Variants in MAPK10 observed in about 807,000 individuals in gnomAD.
The protein encoded by MAPK10 is JNK3 alpha protein kinase.
A neutral mutation model predicts 59.3 loss-of-function variants in MAPK10; 25 were observed. The observed-to-expected ratio is 0.42, with a 90% confidence interval of 0.31 to 0.59. The LOEUF (loss-of-function observed/expected upper bound fraction) is 0.59. Ranked by LOEUF, MAPK10 falls within the 20% of genes least tolerant of loss-of-function variation. The probability of loss-of-function intolerance (pLI) is 0.15; values close to 1 mark genes in which losing one functional copy is unlikely to be tolerated. For missense variants in MAPK10, 351 were observed against 568.9 expected, an observed-to-expected ratio of 0.62 and a Z score of 3.90; for synonymous variants, 190 against 200.5, an observed-to-expected ratio of 0.95 and a Z score of 0.44.
At chr4:86,497,131 T>C (rs1200897580) in intron 1 of MAPK10, among the ~76,000 whole-genome samples, 4 of 152,198 alleles carry the variant, frequency 2.6e-5, no homozygotes, top group Non-Finnish European at 1.5e-5. Context: ...GTTTACAAAG[T>C]TTAGTTATAT....
At chr4:86,110,590 T>G (rs1486568138) in intron 4 of MAPK10, among the ~76,000 whole-genome samples, 2 of 152,070 alleles carry the variant, frequency 1.3e-5, no homozygotes, top group Non-Finnish European at 2.9e-5. Flanking sequence ...TCTATGTATC[T>G]TTTTCATTTT....
At chr4:86,172,422 T>C (rs1026898237) in intron 3 of MAPK10, among the ~76,000 whole-genome samples, 68 of 150,948 alleles carry the variant, frequency 4.5e-4, no homozygotes, top group Non-Finnish European at 7.4e-4. Flanking sequence ...ATGTCCTTTG[T>C]AGGGACATGG....
chr4:86,535,640 C>A (rs1758184611), intron 1 of MAPK10, among the ~76,000 whole-genome samples: 1 of 151,916 alleles, frequency 6.6e-6, no homozygotes, highest in Admixed American at 6.6e-5. Flanking sequence ...AATGAGTGTA[C>A]TTTTTTTTGT....
At chr4:86,159,613 T>C in intron 3 of MAPK10, 146 bp from the exon 4 acceptor site, 1 of 622,020 alleles carries the variant, frequency 1.6e-6, no homozygotes, top group Non-Finnish European at 2.7e-6. Context: ...AAAAAATATG[T>C]ATCAGTCCAT....
intron 2 of MAPK10, among the ~76,000 whole-genome samples, chr4:86,202,262 A>T (rs1186679717): frequency 6.6e-6 from 1 of 151,922 alleles, no homozygotes; most frequent in Non-Finnish European, 1.5e-5. Flanking sequence ...AGCATACATT[A>T]AACAGGGAAG....
Position 86,494,774 on chromosome 4 carries a change from C to T in MAPK10, c.-263+99136G>A, listed in dbSNP as rs1029158307. 1.2e-4 allele frequency among the ~76,000 whole-genome samples: 15 copies of T among 125,206 alleles called. 1 individual carries two copies. The highest frequency in any genetic ancestry group is 4.3e-4 in the African/African-American group (14 of 32,936). The allele number at this position is 125,206 out of a possible 152,430, so 82.1% of individuals were successfully genotyped here. A position where few individuals can be genotyped will look rare whatever the true frequency, so the allele number is the denominator to read the frequency against. ...AGGAGAATGGCGTGAACCTGGGAGG[C>T]GGAGCTTGCAGTGAGCTGAGATCGT... On this transcript the variant is annotated intron_variant, in intron 1 of 4. Transcript: ENST00000502302.
chr4:86,139,596 G>A (rs1211734651), intron 4 of MAPK10, among the ~76,000 whole-genome samples: 6 of 152,060 alleles, frequency 3.9e-5, no homozygotes, highest in South Asian at 2.1e-4. Flanking sequence ...GAAAACCAAG[G>A]CATTACCATT....
intron 2 of MAPK10, among the ~76,000 whole-genome samples, chr4:86,205,518 TAAGACAAGAAAATTATAGTATAA>T (rs538662371): frequency 1.2e-3 from 182 of 151,938 alleles, no homozygotes; most frequent in African/African-American, 4.3e-3. Context: ...AAAGATAATA[TAAGACAAGAAAATTATAGTATAA>T]TCTTATGAAC....
intron 3 of MAPK10, among the ~76,000 whole-genome samples, chr4:86,174,686 A>G (rs757577700): frequency 6.6e-6 from 1 of 152,200 alleles, no homozygotes; most frequent in Non-Finnish European, 1.5e-5. Flanking sequence ...CGTGCATCAC[A>G]GGATGACTAA....
At chr4:86,392,747 C>G (rs879154988) in intron 1 of MAPK10, among the ~76,000 whole-genome samples, 1 of 152,112 alleles carries the variant, frequency 6.6e-6, no homozygotes, top group Non-Finnish European at 1.5e-5. Context: ...CTGCAAGCAG[C>G]AGGAAGAGCC....
At chr4:86,515,885 G>GT (rs56248461) in intron 1 of MAPK10, among the ~76,000 whole-genome samples, 120 of 142,076 alleles carry the variant, frequency 8.4e-4, no homozygotes, top group South Asian at 4.1e-3. Context: ...TTTTGTTGTT[G>GT]TTTTTTTTTT....
intron 2 of MAPK10, among the ~76,000 whole-genome samples, chr4:86,313,957 T>C (rs1455329805): frequency 1.3e-5 from 2 of 152,010 alleles, no homozygotes; most frequent in African/African-American, 2.4e-5. Flanking sequence ...GTAGAGATGA[T>C]AAAATATATT....
intron 2 of MAPK10, among the ~76,000 whole-genome samples, chr4:86,218,856 A>G (rs1024162275): frequency 2.0e-5 from 3 of 152,228 alleles, no homozygotes. Context: ...TTTGTAGGGA[A>G]GAGGGCAAGA....
chr4:86,285,835 A>G (rs1423858110), intron 2 of MAPK10, among the ~76,000 whole-genome samples: 1 of 152,200 alleles, frequency 6.6e-6, no homozygotes, highest in Non-Finnish European at 1.5e-5. Flanking sequence ...AGCCAATGGT[A>G]TGAGTCCCAA....
At chr4:86,245,913 T>A (rs2093053242) in intron 2 of MAPK10, among the ~76,000 whole-genome samples, 1 of 152,192 alleles carries the variant, frequency 6.6e-6, no homozygotes, top group South Asian at 2.1e-4. Flanking sequence ...AAATTATTTT[T>A]AAATACTTTA....
At chr4:86,581,436 T>C (rs1762255224) in intron 1 of MAPK10, among the ~76,000 whole-genome samples, 1 of 152,124 alleles carries the variant, frequency 6.6e-6, no homozygotes. Flanking sequence ...ACTAGAAATA[T>C]AATAAAAATG....
chr4:86,422,724 T>C (rs971885468), intron 1 of MAPK10, among the ~76,000 whole-genome samples: 3 of 152,024 alleles, frequency 2.0e-5, no homozygotes, highest in African/African-American at 7.2e-5. Context: ...CCGGCAGGCA[T>C]AGAAACAAAA....
In MAPK10 at chr4:86,578,409, A is replaced by G. The variant is rs143923678; in HGVS notation, c.-263+15501T>C. Among the ~76,000 whole-genome samples, 77 of 152,310 alleles carry G rather than the reference A, an allele frequency of 5.1e-4. 1 individual carries two copies. In the East Asian group the frequency reaches 0.011, roughly 22 times the overall value. ...GACCACCTTACTACTCTGCCTTTCA[A>G]TAGCAGTCTAATGATGTTGTTTAGA... On this transcript the variant is annotated intron_variant, in intron 1 of 4. Transcript: ENST00000502302.
At chr4:86,490,069 A>G (rs1219347840) in intron 1 of MAPK10, among the ~76,000 whole-genome samples, 1 of 152,148 alleles carries the variant, frequency 6.6e-6, no homozygotes, top group East Asian at 1.9e-4. Context: ...TGGCTATTCT[A>G]CTGTTGTTTT....
Sources: allele counts gnomAD v4.1 joint callset (sites outside exome capture counted in the v4.1 genomes callset), GRCh38; gene constraint gnomAD v4.1.1; transcripts MANE v1.5; gene names NCBI Gene and HGNC (gene_info 2026-07-23, HGNC 2026-07-21).